Variants in ARHGAP42 observed in about 807,000 individuals in gnomAD.
ARHGAP42 encodes the protein rho GTPase-activating protein 42.
Under a neutral mutation model 125.0 loss-of-function variants are expected in ARHGAP42, and 63 were observed. That is an observed-to-expected ratio of 0.50 (90% CI 0.41 to 0.62). The LOEUF (loss-of-function observed/expected upper bound fraction) is 0.62. ARHGAP42 is among the 20% of genes least tolerant of loss of function. The pLI is 0.00. For synonymous variants in ARHGAP42, 339 were observed against 351.0 expected, an observed-to-expected ratio of 0.97 and a Z score of 0.38; for missense variants, 766 against 1,024.2, an observed-to-expected ratio of 0.75 and a Z score of 3.44.
intron 3 of ARHGAP42, among the ~76,000 whole-genome samples, chr11:100,845,630 T>C (rs2135119391): frequency 6.6e-6 from 1 of 152,140 alleles, no homozygotes; most frequent in Non-Finnish European, 1.5e-5. Flanking sequence ...TAAACACACT[T>C]GAATAAAGGC....
At chr11:100,817,212 T>C (rs956094502) in intron 3 of ARHGAP42, among the ~76,000 whole-genome samples, 1 of 152,208 alleles carries the variant, frequency 6.6e-6, no homozygotes, top group Admixed American at 6.5e-5. Context: ...CCCTGTACTC[T>C]ACCCACTAAA....
At chr11:100,877,883 T>C (rs1399905958) in intron 4 of ARHGAP42, among the ~76,000 whole-genome samples, 2 of 151,524 alleles carry the variant, frequency 1.3e-5, no homozygotes, top group Middle Eastern at 3.2e-3. Flanking sequence ...CACATGCCTG[T>C]AATCCCAGCT....
intron 5 of ARHGAP42, 44 bp downstream of exon 5, chr11:100,913,597 A>G: frequency 1.8e-6 from 2 of 1,081,984 alleles, no homozygotes; most frequent in Non-Finnish European, 2.4e-6. Flanking sequence ...ATTAAGTCAT[A>G]TAAAGTCAAA....
At chr11:100,893,158 G>GGTGTGTGTGTGTGTGTGTGTGTGT (rs142725608) in intron 4 of ARHGAP42, among the ~76,000 whole-genome samples, 4 of 146,988 alleles carry the variant, frequency 2.7e-5, no homozygotes, top group Admixed American at 1.4e-4. Flanking sequence ...AACATTTAGG[G>GGTGTGTGTGTGTGTGTGTGTGTGT]GTGTGTGTGT....
intron 2 of ARHGAP42, among the ~76,000 whole-genome samples, chr11:100,784,526 G>A (rs1565212879): frequency 6.6e-6 from 1 of 152,134 alleles, no homozygotes; most frequent in Non-Finnish European, 1.5e-5. Context: ...TATATGGAAG[G>A]AAGGACTGAA....
chr11:100,981,559 G>T (rs1858545102), intron 22 of ARHGAP42, among the ~76,000 whole-genome samples: 1 of 152,198 alleles, frequency 6.6e-6, no homozygotes, highest in Non-Finnish European at 1.5e-5. Context: ...GATTTTAGTG[G>T]ATGGCCTTGA....
Position 100,859,536 on chromosome 11 carries a change from G to GTCA in ARHGAP42, c.313-17_313-16insCAT. 1 of 1,524,800 alleles carries GTCA rather than the reference G, an allele frequency of 6.6e-7. No homozygotes were observed. Among genetic ancestry groups the GTCA allele is most frequent in the Admixed American group, 2.2e-5 (1 of 45,172 alleles). 94.5% of individuals were successfully genotyped at this position (1,524,800 alleles called of 1,614,324 possible). A position where few individuals can be genotyped will look rare whatever the true frequency, so the allele number is the denominator to read the frequency against. On this transcript the variant is annotated splice_polypyrimidine_tract_variant and intron_variant, in intron 3 of 23. Coordinates refer to ENST00000298815, the MANE Select transcript of ARHGAP42 (RefSeq NM_152432.4). The stretch of plus-strand genomic sequence containing the variant: ...TGAAATTATGCAAGATTTAATATAT[G>GTCA]TGCATTTTTTATTTCAGATCCAAAA...
chr11:100,917,508 A>C (rs1007326579), intron 5 of ARHGAP42, among the ~76,000 whole-genome samples: 1 of 151,972 alleles, frequency 6.6e-6, no homozygotes, highest in Admixed American at 6.6e-5. Context: ...TCTTTTCCCA[A>C]ATTTGCTCCT....
chr11:100,987,703 G>A (rs2135337137), intron 23 of ARHGAP42, 111 bp downstream of exon 23: 1 of 979,308 alleles, frequency 1.0e-6, no homozygotes, highest in South Asian at 1.5e-5. Flanking sequence ...TTTATCCCAT[G>A]TCCTGCCTCT....
chr11:100,747,996 T>C (rs183150606), intron 1 of ARHGAP42, among the ~76,000 whole-genome samples: 188 of 151,342 alleles, frequency 1.2e-3, no homozygotes, highest in African/African-American at 4.3e-3. Context: ...CCTTTTTTTT[T>C]CTCAAAGATG....
chr11:100,762,301 T>C (rs1410042288), intron 1 of ARHGAP42, among the ~76,000 whole-genome samples: 1 of 152,216 alleles, frequency 6.6e-6, no homozygotes, highest in African/African-American at 2.4e-5. Context: ...AGCACATTAC[T>C]GTAGTGACGC....
intron 4 of ARHGAP42, among the ~76,000 whole-genome samples, chr11:100,894,922 C>T (rs556440443): frequency 6.6e-6 from 1 of 152,298 alleles, no homozygotes; most frequent in Admixed American, 6.5e-5. Context: ...TGCCAACACA[C>T]AGGGCCGCAA....
chr11:100,765,176 TGTACGTGGAA>T (rs1040350493), intron 1 of ARHGAP42, among the ~76,000 whole-genome samples: 3 of 152,222 alleles, frequency 2.0e-5, no homozygotes, highest in Admixed American at 6.5e-5. Context: ...TGGTTGAGTA[TGTACGTGGAA>T]GCTACCCTTT....
intron 3 of ARHGAP42, among the ~76,000 whole-genome samples, chr11:100,803,537 G>A (rs1236170801): frequency 6.6e-6 from 1 of 152,172 alleles, no homozygotes. Context: ...AGAACTGAGA[G>A]GAAGCTTTTT....
chr11:100,967,769 A>G (rs1858133998), intron 17 of ARHGAP42, among the ~76,000 whole-genome samples: 2 of 152,148 alleles, frequency 1.3e-5, no homozygotes, highest in South Asian at 4.2e-4. Context: ...GCTGGAGTGC[A>G]GTGGCGCGAT....
intron 1 of ARHGAP42, among the ~76,000 whole-genome samples, chr11:100,746,181 C>T (rs1036113125): frequency 2.6e-5 from 4 of 152,192 alleles, no homozygotes; most frequent in Non-Finnish European, 5.9e-5. Flanking sequence ...GATTGATAAG[C>T]TCTTGCAAAT....
At chr11:100,888,357 G>T (rs1414089420) in intron 4 of ARHGAP42, among the ~76,000 whole-genome samples, 1 of 152,120 alleles carries the variant, frequency 6.6e-6, no homozygotes, top group Non-Finnish European at 1.5e-5. Flanking sequence ...TGAGAATTCA[G>T]AGTTTCATTT....
chr11:100,692,465 A>G (rs1293939950), intron 1 of ARHGAP42, among the ~76,000 whole-genome samples: 1 of 152,218 alleles, frequency 6.6e-6, no homozygotes, highest in Non-Finnish European at 1.5e-5. Context: ...GATTGCTGAT[A>G]ATATCTAGTG....
At chr11:100,914,254 C>T (rs1338994195) in intron 5 of ARHGAP42, among the ~76,000 whole-genome samples, 1 of 152,068 alleles carries the variant, frequency 6.6e-6, no homozygotes, top group East Asian at 1.9e-4. Flanking sequence ...TTTAAAATCT[C>T]AATTATTTTA....
Sources: gnomAD v4.1 joint callset for allele counts (sites outside exome capture counted in the v4.1 genomes callset) on GRCh38, gnomAD v4.1.1 for gene constraint, MANE v1.5 for transcripts, NCBI Gene and HGNC (gene_info 2026-07-23, HGNC 2026-07-21) for gene names.